The following MCTP1 variants were observed in gnomAD, a reference collection of about 807,000 sequenced individuals.
MCTP1 encodes the protein multiple C2 and transmembrane domain-containing protein 1.
In MCTP1, 69 loss-of-function variants were observed where a neutral mutation model predicts 120.6. The ratio of observed to expected loss-of-function variants is 0.57; its 90% CI spans 0.47 to 0.70. MCTP1 has a LOEUF of 0.70. Ranked by LOEUF, MCTP1 falls within the 30% of genes least tolerant of loss-of-function variation. The pLI is 0.00. For synonymous variants in MCTP1, 529 were observed against 493.1 expected (o/e 1.07, Z -0.96); for missense variants, 1,203 against 1,248.8 (o/e 0.96, Z 0.55).
chr5:94,822,110 T>C (rs962227625), intron 17 of MCTP1, among the ~76,000 whole-genome samples: 7 of 152,174 alleles, frequency 4.6e-5, no homozygotes, highest in African/African-American at 1.4e-4. Context: ...GTGCAGAACA[T>C]GCAGGTTTGT....
At chr5:94,801,223 G>A (rs1458750190) in intron 17 of MCTP1, among the ~76,000 whole-genome samples, 1 of 152,144 alleles carries the variant, frequency 6.6e-6, no homozygotes, top group Non-Finnish European at 1.5e-5. Context: ...CGTAGAGCCT[G>A]GAACAGTACT....
chr5:94,909,981 T>G (rs1484417290), intron 9 of MCTP1, among the ~76,000 whole-genome samples: 1 of 152,034 alleles, frequency 6.6e-6, no homozygotes, highest in Non-Finnish European at 1.5e-5. Flanking sequence ...ACCTAGAGTT[T>G]AAGTGACACA....
At chr5:94,913,116 G>T in intron 8 of MCTP1, 140 bp from the exon 9 acceptor site, 1 of 332,982 alleles carries the variant, frequency 3.0e-6, no homozygotes. Context: ...AAATAATTAT[G>T]AATTATTAAT....
chr5:94,713,476 C>A (rs1000589481), intron 20 of MCTP1, among the ~76,000 whole-genome samples: 1 of 152,024 alleles, frequency 6.6e-6, no homozygotes, highest in African/African-American at 2.4e-5. Context: ...GATCCATGGT[C>A]TTTTGGTATA....
chr5:94,901,556 G>A (rs1373477854), intron 10 of MCTP1, among the ~76,000 whole-genome samples: 1 of 151,788 alleles, frequency 6.6e-6, no homozygotes, highest in Non-Finnish European at 1.5e-5. Flanking sequence ...ATTAAGTGAT[G>A]GCAAGAACTT....
At chr5:95,242,646 AGG>A (rs1055571607) in intron 1 of MCTP1, among the ~76,000 whole-genome samples, 3 of 152,222 alleles carry the variant, frequency 2.0e-5, no homozygotes, top group Admixed American at 2.0e-4. Context: ...CCTAATAAAA[AGG>A]ACGTATACTT....
chr5:95,011,955 T>C (rs1024378258), intron 2 of MCTP1, among the ~76,000 whole-genome samples: 16 of 152,290 alleles, frequency 1.1e-4, no homozygotes, highest in African/African-American at 3.8e-4. Context: ...GCTCATATTA[T>C]ACTTTCCCTG....
At chr5:94,714,742 C>T (rs2638) in intron 20 of MCTP1, 35 bp downstream of exon 20, 543,791 of 1,258,294 alleles carry the variant, frequency 0.43, 120,008 homozygotes, top group Middle Eastern at 0.54. Context: ...CCTTATCCCA[C>T]AGAAGAATGG....
At chr5:95,168,686 A>G (rs1245227295) in intron 1 of MCTP1, among the ~76,000 whole-genome samples, 1 of 152,066 alleles carries the variant, frequency 6.6e-6, no homozygotes, top group African/African-American at 2.4e-5. Context: ...TTCACTAGTG[A>G]TTTGGCTCTG....
chr5:95,243,896 A>G (rs1756450994), intron 1 of MCTP1, among the ~76,000 whole-genome samples: 1 of 152,214 alleles, frequency 6.6e-6, no homozygotes, highest in Non-Finnish European at 1.5e-5. Context: ...GACAATGGTG[A>G]TACCATTTAC....
At chr5:95,085,718 A>G (rs1755382974) in intron 1 of MCTP1, among the ~76,000 whole-genome samples, 1 of 152,120 alleles carries the variant, frequency 6.6e-6, no homozygotes, top group Non-Finnish European at 1.5e-5. Flanking sequence ...AACAGTGTAT[A>G]AGAATTTTTG....
At chr5:94,772,104 T>A (rs1225480515) in intron 19 of MCTP1, among the ~76,000 whole-genome samples, 1 of 152,138 alleles carries the variant, frequency 6.6e-6, no homozygotes, top group East Asian at 1.9e-4. Flanking sequence ...AGCTGTTCAT[T>A]CTTGGTTATT....
At chr5:94,835,013 G>T (rs547939824) in intron 17 of MCTP1, among the ~76,000 whole-genome samples, 1 of 151,794 alleles carries the variant, frequency 6.6e-6, no homozygotes, top group East Asian at 1.9e-4. Context: ...GTAGAGATGG[G>T]GTTTCACCAT....
chr5:95,277,141 C>T (rs969538700), intron 1 of MCTP1, among the ~76,000 whole-genome samples: 4 of 152,082 alleles, frequency 2.6e-5, no homozygotes, highest in African/African-American at 9.7e-5. Flanking sequence ...GGTGCAATGT[C>T]AGAGGCCAGA....
chr5:94,764,824 G>C (rs1273964467), intron 19 of MCTP1, among the ~76,000 whole-genome samples: 1 of 120,908 alleles, frequency 8.3e-6, no homozygotes, highest in Non-Finnish European at 1.6e-5. Context: ...TAGATGACCT[G>C]GACCAAAAAA....
Position 95,284,069 on chromosome 5 carries a change from C to T in MCTP1, c.507G>A (p.Ser169=), listed in dbSNP as rs1562301781. The T allele has an allele frequency of 1.9e-6, 3 of 1,541,846 alleles. No homozygotes were observed. The highest frequency in any genetic ancestry group is 1.8e-4 in the Middle Eastern group (1 of 5,578). ...SSSASSSLSS[S]PQPPPRGDRA... Reference sequence around the variant, plus strand: ...GGTCCCCCCTCGGGGGAGGCTGGGGCGAGGAGGACAGGGAGGATGAGGCGG... The same window carrying T: ...GGTCCCCCCTCGGGGGAGGCTGGGGTGAGGAGGACAGGGAGGATGAGGCGG... Residue 169 remains serine (S), a synonymous_variant, in exon 1 of 23, where the codon TCG becomes TCA. Transcript: ENST00000515393. This position sits in a 1 kb window ranked among gnomAD's most constrained non-coding sequence, Gnocchi z 5.2.
chr5:95,119,341 A>G (rs766068048), intron 1 of MCTP1, among the ~76,000 whole-genome samples: 1 of 152,218 alleles, frequency 6.6e-6, no homozygotes, highest in African/African-American at 2.4e-5. Flanking sequence ...GAAACAAATG[A>G]TAATAGAAAC....
At chr5:94,752,663 A>G (rs182373034) in intron 19 of MCTP1, among the ~76,000 whole-genome samples, 59 of 152,302 alleles carry the variant, frequency 3.9e-4, no homozygotes, top group African/African-American at 1.3e-3. Flanking sequence ...CCTGAGTATG[A>G]AAAAAGAAAA....
chr5:95,207,661 C>T (rs1313186932), intron 1 of MCTP1, among the ~76,000 whole-genome samples: 2 of 152,058 alleles, frequency 1.3e-5, no homozygotes, highest in East Asian at 3.9e-4. Flanking sequence ...GGTAAACACA[C>T]ATAAATACAA....
Sources: allele counts gnomAD v4.1 joint callset (sites outside exome capture counted in the v4.1 genomes callset), GRCh38; gene constraint gnomAD v4.1.1; non-coding constraint Gnocchi (gnomAD v3.1); transcripts MANE v1.5; gene names NCBI Gene and HGNC (gene_info 2026-07-23, HGNC 2026-07-21).